Variants in LRP1B observed in about 807,000 individuals in gnomAD.
The protein encoded by LRP1B is low-density lipoprotein receptor-related protein 1B.
A neutral mutation model predicts 556.6 loss-of-function variants in LRP1B; 217 were observed. The observed-to-expected ratio is 0.39, with a 90% CI of 0.35 to 0.44. The LOEUF is 0.44. LRP1B is among the 20% of genes least tolerant of loss of function. The pLI is 1.00. For missense variants in LRP1B, 5,053 were observed against 5,620.8 expected, an observed-to-expected ratio of 0.90 and a Z score of 3.23; for synonymous variants, 2,047 against 1,865.8, an observed-to-expected ratio of 1.10 and a Z score of -2.50.
chr2:141,213,330 T>G (rs1311461057), intron 6 of LRP1B, among the ~76,000 whole-genome samples: 4 of 152,172 alleles, frequency 2.6e-5, no homozygotes, highest in Admixed American at 6.5e-5. Flanking sequence ...ACAAGTAAGA[T>G]AATTATTTAT....
chr2:140,357,156 G>A (rs1372755857), intron 74 of LRP1B, among the ~76,000 whole-genome samples: 1 of 151,564 alleles, frequency 6.6e-6, no homozygotes, highest in Non-Finnish European at 1.5e-5. Flanking sequence ...ATAAATGAGA[G>A]GGACATTATT....
intron 1 of LRP1B, among the ~76,000 whole-genome samples, chr2:141,921,609 A>G (rs1700186694): frequency 6.6e-6 from 1 of 152,026 alleles, no homozygotes; most frequent in South Asian, 2.1e-4. Context: ...TTTTATAAAT[A>G]TAAGTTCATG....
intron 2 of LRP1B, among the ~76,000 whole-genome samples, chr2:141,640,213 C>G (rs990184280): frequency 4.6e-5 from 7 of 152,168 alleles, no homozygotes; most frequent in Non-Finnish European, 7.3e-5. Flanking sequence ...TGCTACAGAT[C>G]ATGATAATTA....
chr2:140,734,561 G>A (rs926556610), intron 35 of LRP1B, among the ~76,000 whole-genome samples: 4 of 152,178 alleles, frequency 2.6e-5, no homozygotes, highest in African/African-American at 9.7e-5. Flanking sequence ...AACCATCCCA[G>A]TTTGTCCAGG....
At chr2:140,439,893 T>C (rs1686348976) in intron 66 of LRP1B, among the ~76,000 whole-genome samples, 1 of 152,092 alleles carries the variant, frequency 6.6e-6, no homozygotes, top group Non-Finnish European at 1.5e-5. Context: ...TAAAAAAATT[T>C]ACAATGATTA....
chr2:140,761,040 A>C (rs1688903379), intron 35 of LRP1B, among the ~76,000 whole-genome samples: 1 of 152,240 alleles, frequency 6.6e-6, no homozygotes, highest in Non-Finnish European at 1.5e-5. Flanking sequence ...TATACGTGTG[A>C]ATTTAAATCC....
At chr2:140,808,056 C>A (rs2105024088) in intron 32 of LRP1B, among the ~76,000 whole-genome samples, 1 of 152,250 alleles carries the variant, frequency 6.6e-6, no homozygotes, top group South Asian at 2.1e-4. Context: ...TACGCCACTG[C>A]ATTCCAGCCT....
intron 1 of LRP1B, among the ~76,000 whole-genome samples, chr2:141,862,207 A>T (rs907014752): frequency 2.6e-5 from 4 of 152,160 alleles, no homozygotes; most frequent in Non-Finnish European, 5.9e-5. Context: ...ATATAAATTC[A>T]CTTTACTTTG....
At chr2:141,689,107 A>T (rs1361986883) in intron 2 of LRP1B, among the ~76,000 whole-genome samples, 1 of 151,902 alleles carries the variant, frequency 6.6e-6, no homozygotes, top group Admixed American at 6.6e-5. Context: ...AGGTGTTGCA[A>T]ATACTGACTT....
intron 1 of LRP1B, among the ~76,000 whole-genome samples, chr2:141,956,003 A>G (rs1701238617): frequency 1.3e-5 from 2 of 152,060 alleles, no homozygotes; most frequent in East Asian, 3.9e-4. Flanking sequence ...CAGGAGTTTG[A>G]GAGCAACCTG....
At chr2:140,274,856 T>C (rs554187193) in intron 84 of LRP1B, among the ~76,000 whole-genome samples, 3 of 152,136 alleles carry the variant, frequency 2.0e-5, no homozygotes, top group East Asian at 1.9e-4. Flanking sequence ...TGGTTCTGAA[T>C]ATTAAAGCTT....
intron 25 of LRP1B, among the ~76,000 whole-genome samples, chr2:140,876,169 A>C (rs542986776): frequency 1.5e-4 from 23 of 152,280 alleles, no homozygotes; most frequent in African/African-American, 5.5e-4. Context: ...AACTGCATGG[A>C]CTGAATTAAT....
At chr2:140,729,693 T>A (rs1215344498) in intron 35 of LRP1B, among the ~76,000 whole-genome samples, 1 of 152,162 alleles carries the variant, frequency 6.6e-6, no homozygotes, top group Non-Finnish European at 1.5e-5. Flanking sequence ...CACCCTCTTG[T>A]AAGTATTTGG....
rs1393047988 is a variant in LRP1B at position 141,499,350 on chromosome 2, A to G, written c.206-18817T>C. Among the ~76,000 whole-genome samples, 7 of 152,086 alleles carry G rather than the reference A, an allele frequency of 4.6e-5. No individual in the cohort carries two copies. In the East Asian group the frequency reaches 1.2e-3, roughly 25 times the overall value. On this transcript the variant is annotated intron_variant, in intron 2 of 90. Coordinates refer to ENST00000389484, the MANE Select transcript of LRP1B (RefSeq NM_018557.3). ...AGTTATTCACAACGATCCACTGCCC[A>G]TGTAACTATATGACAGAGTAACATC... is the stretch of plus-strand genomic sequence containing the variant.
chr2:141,538,638 CT>C (rs35243335), intron 2 of LRP1B, among the ~76,000 whole-genome samples: 32,629 of 101,852 alleles, frequency 0.32, 3,309 homozygotes, highest in South Asian at 0.48. Context: ...AAAAAAACTT[CT>C]TTTTTTTTTT....
At chr2:141,459,314 C>G (rs1225321718) in intron 3 of LRP1B, among the ~76,000 whole-genome samples, 3 of 152,056 alleles carry the variant, frequency 2.0e-5, no homozygotes, top group Non-Finnish European at 4.4e-5. Context: ...TGACCCATCT[C>G]CTAAATAAAT....
intron 2 of LRP1B, among the ~76,000 whole-genome samples, chr2:141,492,091 A>AAAAACC (rs67960557): frequency 1.0e-5 from 1 of 100,194 alleles, no homozygotes; most frequent in African/African-American, 3.9e-5. Flanking sequence ...AAAAAAAAAA[A>AAAAACC]CACTAAGAAA....
intron 2 of LRP1B, among the ~76,000 whole-genome samples, chr2:141,780,425 C>T (rs1695217145): frequency 6.6e-6 from 1 of 151,962 alleles, no homozygotes; most frequent in Non-Finnish European, 1.5e-5. Context: ...TACAATACTC[C>T]CCCAACAATA....
chr2:140,657,891 T>A (rs1321128210), intron 41 of LRP1B, among the ~76,000 whole-genome samples: 1 of 151,886 alleles, frequency 6.6e-6, no homozygotes, highest in Non-Finnish European at 1.5e-5. Flanking sequence ...AGTGTATGTG[T>A]TGGGGGTGGG....
Sources: allele counts gnomAD v4.1 joint callset (sites outside exome capture counted in the v4.1 genomes callset), GRCh38; gene constraint gnomAD v4.1.1; transcripts MANE v1.5; gene names NCBI Gene and HGNC (gene_info 2026-07-23, HGNC 2026-07-21).